The following VWA8 variants were observed in gnomAD, a reference collection of about 807,000 sequenced individuals.
The protein encoded by VWA8 is von Willebrand factor A domain-containing protein 8.
In VWA8, 221 loss-of-function variants were observed where a neutral mutation model predicts 241.5. The ratio of observed to expected loss-of-function variants is 0.91; its 90% confidence interval spans 0.82 to 1.02. VWA8 has a LOEUF of 1.02. Ranked by LOEUF, VWA8 falls within the 50% of genes least tolerant of loss-of-function variation. The probability of loss-of-function intolerance (pLI) is 0.00; values close to 1 mark genes in which losing one functional copy is unlikely to be tolerated. For synonymous variants in VWA8, 852 were observed against 827.1 expected (o/e 1.03, Z -0.52); for missense variants, 2,322 against 2,328.7 (o/e 1.00, Z 0.06).
At chr13:41,854,621 TAA>T (rs1185616698) in intron 12 of VWA8, among the ~76,000 whole-genome samples, 1 of 152,104 alleles carries the variant, frequency 6.6e-6, no homozygotes, top group Non-Finnish European at 1.5e-5. Flanking sequence ...TTCTAAGTGA[TAA>T]AGTCTTATAT....
At chr13:41,742,916 C>T (rs769403283) in intron 21 of VWA8, among the ~76,000 whole-genome samples, 12 of 152,164 alleles carry the variant, frequency 7.9e-5, no homozygotes, top group Middle Eastern at 3.2e-3. Context: ...GAATCAACAT[C>T]TGCTTGTGGA....
Position 41,575,856 on chromosome 13 carries a change from A to G in VWA8, c.5272-18T>C. The stretch of plus-strand genomic sequence containing the variant: ...ATGTCATACTACATGCAAGAGAACC[A>G]GAAAGTTATAAACTTTTCTCCACAA... On this transcript the variant is annotated intron_variant, in intron 42 of 44. Transcript: ENST00000379310. The G allele has an allele frequency of 6.3e-7, 1 of 1,574,970 alleles. No individual in the cohort carries two copies. Among genetic ancestry groups the G allele is most frequent in the Middle Eastern group, 1.7e-4 (1 of 5,962 alleles).
intron 14 of VWA8, among the ~76,000 whole-genome samples, chr13:41,826,890 A>G (rs1871197086): frequency 6.6e-6 from 1 of 152,178 alleles, no homozygotes; most frequent in Non-Finnish European, 1.5e-5. Context: ...AGATAAAAAA[A>G]GAAAAAAAGA....
chr13:41,734,506 C>T (rs1008159555), intron 21 of VWA8, among the ~76,000 whole-genome samples: 3 of 152,208 alleles, frequency 2.0e-5, no homozygotes, highest in Non-Finnish European at 2.9e-5. Context: ...TACGTACCTT[C>T]CCCATCAGAG....
chr13:41,763,092 G>C (rs912200326), intron 20 of VWA8, among the ~76,000 whole-genome samples: 2 of 151,812 alleles, frequency 1.3e-5, no homozygotes, highest in South Asian at 4.2e-4. Context: ...ACACAGTGAG[G>C]CCTCATCTCT....
At chr13:41,783,386 T>C (rs1328694054) in intron 19 of VWA8, among the ~76,000 whole-genome samples, 1 of 152,002 alleles carries the variant, frequency 6.6e-6, no homozygotes, top group African/African-American at 2.4e-5. Context: ...ACGCCTGTAA[T>C]ACTAGCACTT....
intron 43 of VWA8, among the ~76,000 whole-genome samples, chr13:41,572,797 TAAAAA>T (rs869088660): frequency 4.4e-4 from 30 of 67,784 alleles, no homozygotes; most frequent in Admixed American, 1.9e-3. Flanking sequence ...CAATAAATAC[TAAAAA>T]AAAAAAAAAA....
At chr13:41,593,497 T>A (rs982578166) in intron 40 of VWA8, among the ~76,000 whole-genome samples, 4 of 152,198 alleles carry the variant, frequency 2.6e-5, no homozygotes, top group African/African-American at 9.7e-5. Context: ...TACTGATCTA[T>A]CTGTGAATCA....
At chr13:41,611,260 A>G (rs145209306) in intron 39 of VWA8, among the ~76,000 whole-genome samples, 1 of 152,284 alleles carries the variant, frequency 6.6e-6, no homozygotes, top group East Asian at 1.9e-4. Context: ...TCTCCGCACT[A>G]ATCTGCAAGA....
At chr13:41,619,748 T>C (rs899510218) in intron 37 of VWA8, among the ~76,000 whole-genome samples, 2 of 152,160 alleles carry the variant, frequency 1.3e-5, no homozygotes, top group Non-Finnish European at 2.9e-5. Flanking sequence ...TTGTCTTTGG[T>C]TCTGTTTATG....
intron 42 of VWA8, among the ~76,000 whole-genome samples, chr13:41,580,931 G>C (rs1441588454): frequency 6.6e-6 from 1 of 152,164 alleles, no homozygotes; most frequent in Non-Finnish European, 1.5e-5. Flanking sequence ...CTTAGTTTTA[G>C]GAACACCTAA....
rs2044768512 is a variant in VWA8 at position 41,637,704 on chromosome 13, A to C, written c.4612-22620T>G. Among the ~76,000 whole-genome samples, 4 of 152,320 alleles carry C rather than the reference A, an allele frequency of 2.6e-5. No individual in the cohort carries two copies. The South Asian group carries it at 8.3e-4, about 32-fold the overall frequency. Reference sequence around the variant, plus strand: ...AAAAAACAAATTAACAATCCAACTCAATCTTTAAGTATGACTAGAATTTTT... The same window carrying C: ...AAAAAACAAATTAACAATCCAACTCCATCTTTAAGTATGACTAGAATTTTT... On this transcript the variant is annotated intron_variant, in intron 37 of 44. Coordinates refer to ENST00000379310, the MANE Select transcript of VWA8 (RefSeq NM_015058.2).
At chr13:41,887,104 A>G (rs910285310) in intron 6 of VWA8, 93 bp downstream of exon 6, 1 of 1,415,250 alleles carries the variant, frequency 7.1e-7, no homozygotes, top group African/African-American at 1.5e-5. Context: ...TCAGGAAGAC[A>G]TTCAAAACTG....
intron 37 of VWA8, among the ~76,000 whole-genome samples, chr13:41,666,402 T>A (rs1268307288): frequency 6.6e-6 from 1 of 152,208 alleles, no homozygotes; most frequent in Non-Finnish European, 1.5e-5. Flanking sequence ...CCTATCACCA[T>A]CTTACTGCCT....
chr13:41,693,952 T>C (rs1305618578), intron 29 of VWA8, among the ~76,000 whole-genome samples: 3 of 152,106 alleles, frequency 2.0e-5, no homozygotes, highest in South Asian at 4.1e-4. Context: ...CCAGTTATCC[T>C]AACTCTTGTG....
intron 34 of VWA8, among the ~76,000 whole-genome samples, chr13:41,687,544 G>C (rs1055889938): frequency 1.3e-5 from 2 of 152,128 alleles, no homozygotes; most frequent in Non-Finnish European, 2.9e-5. Context: ...ATGTGTGTTA[G>C]AGGGCTGGCT....
At chr13:41,860,012 CT>C (rs532715039) in intron 12 of VWA8, among the ~76,000 whole-genome samples, 2 of 152,134 alleles carry the variant, frequency 1.3e-5, no homozygotes, top group Admixed American at 6.5e-5. Context: ...CAAATTCATT[CT>C]TTAAGTTTAT....
Position 41,883,465 on chromosome 13 carries a change from TTTGA to T in VWA8, c.998_1001del (p.Ile333AsnfsTer14), listed in dbSNP as rs1874364586. On this transcript the variant is annotated frameshift_variant, in exon 9 of 45. Coordinates refer to ENST00000379310, the MANE Select transcript of VWA8 (RefSeq NM_015058.2). LOFTEE classifies it high-confidence loss of function. ...ATGGATAAAGCCACTGGATTGCATG[TTTGA>T]TTGGCATCATAGGAAAGGAATCCTA... The T allele has an allele frequency of 6.2e-7, 1 of 1,613,436 alleles. No individual in the cohort carries two copies. Among genetic ancestry groups the T allele is most frequent in the South Asian group, 1.1e-5 (1 of 91,072 alleles).
intron 12 of VWA8, among the ~76,000 whole-genome samples, chr13:41,848,770 C>T (rs914201362): frequency 1.6e-4 from 24 of 152,286 alleles, no homozygotes; most frequent in African/African-American, 5.8e-4. Flanking sequence ...CACAGGGCAG[C>T]CTTCCCACCT....
Sources: gnomAD v4.1 joint callset for allele counts (sites outside exome capture counted in the v4.1 genomes callset) on GRCh38, gnomAD v4.1.1 for gene constraint, MANE v1.5 for transcripts, NCBI Gene and HGNC (gene_info 2026-07-23, HGNC 2026-07-21) for gene names.